KCNH4: variants seen among roughly 807,000 people sequenced by gnomAD.
KCNH4 encodes voltage-gated delayed rectifier potassium channel KCNH4.
KCNH4 carries 33 observed loss-of-function variants against 90.7 expected under a neutral mutation model. The ratio of observed to expected loss-of-function variants is 0.36; its 90% CI spans 0.28 to 0.49. The LOEUF (loss-of-function observed/expected upper bound fraction) is 0.49, where lower values mean the gene tolerates loss of function less well. KCNH4 is among the 20% of genes least tolerant of loss of function. The probability of loss-of-function intolerance (pLI) is 0.98; values close to 1 mark genes in which losing one functional copy is unlikely to be tolerated. For missense variants in KCNH4, 1,044 were observed against 1,387.1 expected (o/e 0.75, Z 3.93); for synonymous variants, 551 against 581.7 (o/e 0.95, Z 0.76).
In KCNH4 at chr17:42,163,941, G is replaced by A. The variant is rs111383799; in HGVS notation, c.2142C>T (p.Leu714=). Residue 714 remains leucine, a synonymous_variant, in exon 13 of 17, where the codon CTC becomes CTT. Coordinates refer to ENST00000264661, the MANE Select transcript of KCNH4 (RefSeq NM_012285.3). This position sits in a 1 kb window ranked among gnomAD's most constrained non-coding sequence, Gnocchi z 5.4. ...GCAGCGTCTTGTCTGAGGAGGAGCCGAGGCTTTCTGAGCGGGGCTGCGGGC... is the reference window on the plus strand; with the variant it reads ...GCAGCGTCTTGTCTGAGGAGGAGCCAAGGCTTTCTGAGCGGGGCTGCGGGC... ...PRLSQPRSES[L]GSSSDKTLPS... 1.6e-5 allele frequency: 25 copies of A among 1,541,614 alleles called. No individual in the cohort carries two copies. The highest frequency in any genetic ancestry group is 2.3e-4 in the Middle Eastern group (1 of 4,346).
chr17:42,178,568 A>G lies in KCNH4; in HGVS notation c.311-91T>C, dbSNP rs547279466. ...CCTCTCATCCTCCTAGACATAGTTA[A>G]GAGCTTGGCAAAGCAAGAACCAAAA... On this transcript the variant is annotated intron_variant, in intron 2 of 16. Transcript: ENST00000264661. 55 of 1,476,616 alleles carry G rather than the reference A, an allele frequency of 3.7e-5. No homozygotes were observed. The East Asian group carries it at 1.2e-3, about 31-fold the overall frequency. 91.5% of individuals were successfully genotyped at this position (1,476,616 alleles called of 1,614,324 possible).
intron 16 of KCNH4, among the ~76,000 whole-genome samples, chr17:42,158,305 T>C (rs1163497746): frequency 1.3e-4 from 19 of 145,920 alleles, no homozygotes; most frequent in East Asian, 4.1e-4. Flanking sequence ...CCGAGGCAGG[T>C]GGATCATGAG....
chr17:42,179,158 A>AAT, intron 1 of KCNH4, 132 bp from the exon 2 acceptor site: 1 of 638,548 alleles, frequency 1.6e-6, no homozygotes. Context: ...GTTGCTCCTG[A>AAT]CCCCACTTTG....
At chr17:42,178,063 AG>A in intron 4 of KCNH4, 36 bp downstream of exon 4, 3 of 1,597,412 alleles carry the variant, frequency 1.9e-6, no homozygotes, top group Non-Finnish European at 2.6e-6. Context: ...TCAAGGCTGG[AG>A]GACTTGGGAG....
At chr17:42,176,010 C>A (rs1398853540) in intron 5 of KCNH4, 44 bp downstream of exon 5, 1 of 1,555,114 alleles carries the variant, frequency 6.4e-7, no homozygotes, top group Non-Finnish European at 8.7e-7. Context: ...CCAAGTGGAT[C>A]CCCCCAGCCG....
rs373568858 is a variant in KCNH4, at chr17:42,169,514, G to A, written c.1553C>T (p.Thr518Ile). The change falls in exon 9 of 17, where the codon ACC (threonine) becomes ATC (isoleucine). Residue 518 changes from threonine (T) to isoleucine (I), a missense_variant. Physicochemically the swap from Thr to Ile is moderately conservative, Grantham distance 89. This residue lies in a region of KCNH4 where 318 missense variants were observed against 479.6 expected (regional missense o/e 0.66). Coordinates refer to ENST00000264661, the MANE Select transcript of KCNH4 (RefSeq NM_012285.3). ...GATGCCGCTGTTGACGGCCCACGTG[G>A]TCTGGAAGTATTCGAGCATGCGCTG... is the stretch of plus-strand genomic sequence containing the variant. Reference protein sequence around the residue: ...LKQRMLEYFQTTWAVNSGIDA... With the variant: ...LKQRMLEYFQITWAVNSGIDA... The A allele has an allele frequency of 1.2e-6, 2 of 1,613,210 alleles. No individual in the cohort carries two copies. Among genetic ancestry groups the A allele is most frequent in the African/African-American group, 1.3e-5 (1 of 74,950 alleles).
intron 6 of KCNH4, among the ~76,000 whole-genome samples, chr17:42,172,517 T>C (rs1418507087): frequency 3.4e-5 from 5 of 148,660 alleles, no homozygotes; most frequent in Non-Finnish European, 4.4e-5. Context: ...GTGCTAAGCA[T>C]TGGTAATCCT....
In KCNH4 at chr17:42,164,184, A is replaced by T; in HGVS notation, c.2086-16T>A. The stretch of plus-strand genomic sequence containing the variant: ...GGCTGAGGCCCTGTGGGGACATAGG[A>T]GAGTTCAAGCTGATTCCTGCCTTCC... On this transcript the variant is annotated splice_polypyrimidine_tract_variant and intron_variant, in intron 11 of 16. Coordinates refer to ENST00000264661, the MANE Select transcript of KCNH4 (RefSeq NM_012285.3). The T allele has an allele frequency of 6.5e-7, 1 of 1,543,024 alleles. No individual in the cohort carries two copies. The highest frequency in any genetic ancestry group is 8.8e-7 in the Non-Finnish European group (1 of 1,141,928).
chr17:42,160,413 ACCT>A lies in KCNH4; in HGVS notation c.2678_2680del (p.Glu893del). 1.9e-6 allele frequency: 3 copies of A among 1,602,948 alleles called. No individual in the cohort carries two copies. The highest frequency in any genetic ancestry group is 2.6e-6 in the Non-Finnish European group (3 of 1,172,744). Reference sequence around the variant, plus strand: ...CCGCAGCTCCCGGCTAAGCTGAGACACCTCCTGATTGAGACGAGAGATCTGTTG... The same window carrying A: ...CCGCAGCTCCCGGCTAAGCTGAGACACCTGATTGAGACGAGAGATCTGTTG... On this transcript the variant is annotated inframe_deletion, in exon 16 of 17. Coordinates refer to ENST00000264661, the MANE Select transcript of KCNH4 (RefSeq NM_012285.3).
chr17:42,178,422 C>T lies in KCNH4; in HGVS notation c.366G>A (p.Glu122=). ...DMMPIKNEMG[E]VVLFLFSFKD... ...TGAAGGAAAAGAGGAACAGCACGAC[C>T]TCCCCCATCTCATTCTTGATGGGCA... The change falls in exon 3 of 17, where the codon GAG becomes GAA. Residue 122 remains glutamate, a synonymous_variant. Coordinates refer to ENST00000264661, the MANE Select transcript of KCNH4 (RefSeq NM_012285.3). 1 of 1,614,202 alleles carries T rather than the reference C, an allele frequency of 6.2e-7. No homozygotes were observed. Among genetic ancestry groups the T allele is most frequent in the Admixed American group, 1.7e-5 (1 of 60,016 alleles).
rs1598270216 is a variant in KCNH4 at position 42,165,540 on chromosome 17, A to C, written c.1994T>G (p.Val665Gly). 1.9e-6 allele frequency: 3 copies of C among 1,614,112 alleles called. No individual in the cohort carries two copies. The highest frequency in any genetic ancestry group is 2.5e-6 in the Non-Finnish European group (3 of 1,180,008). ...CCCATACTCAGGATAGAGCCTCAGG[A>C]CCTCAGCCAGCCCTCGGCTGCTCAG... is the stretch of plus-strand genomic sequence containing the variant. The part of the protein sequence containing the change: ...QQLSSRGLAE[V>G]LRLYPEYGAA... The change falls in exon 11 of 17, where the codon GTC becomes GGC. Residue 665 changes from valine to glycine, a missense_variant. Around this residue, in one of 4 missense-constraint regions of KCNH4, gnomAD observed 441 missense variants for 512.3 expected, o/e 0.86. Transcript: ENST00000264661.
At chr17:42,161,951 TC>T (rs58726099) in intron 15 of KCNH4, among the ~76,000 whole-genome samples, 3,829 of 144,144 alleles carry the variant, frequency 0.027, 151 homozygotes, top group African/African-American at 0.081. Flanking sequence ...AATATCTCTC[TC>T]TTTTTTTTTT....
chr17:42,158,622 T>A (rs2079724455), intron 16 of KCNH4, among the ~76,000 whole-genome samples: 1 of 149,818 alleles, frequency 6.7e-6, no homozygotes, highest in African/African-American at 2.5e-5. Context: ...GATCAGGAGG[T>A]CAGGAGATTG....
rs998648099 is a variant in KCNH4, at chr17:42,164,030, G to A, written c.2125-72C>T. 1.5e-5 allele frequency: 22 copies of A among 1,500,438 alleles called. No individual in the cohort carries two copies. The Admixed American group carries it at 2.7e-4, about 18-fold the overall frequency. 92.9% of individuals were successfully genotyped at this position (1,500,438 alleles called of 1,614,324 possible). On this transcript the variant is annotated intron_variant, in intron 12 of 16. Transcript: ENST00000264661. ...ACCCCTTCATTAAGTAAGAGCCTTC[G>A]CCGGCGGATGCAGCTCCCCATCCAT...
chr17:42,161,218 G>A (rs565710319), intron 15 of KCNH4, among the ~76,000 whole-genome samples: 4 of 152,028 alleles, frequency 2.6e-5, no homozygotes, highest in African/African-American at 4.8e-5. Flanking sequence ...ATGAGCCACC[G>A]CGCCCGGCCT....
rs1224159661 is a variant in KCNH4 at position 42,181,065 on chromosome 17, C to T, written c.-120G>A. On this transcript the variant is annotated 5_prime_UTR_variant, in exon 1 of 17. Coordinates refer to ENST00000264661, the MANE Select transcript of KCNH4 (RefSeq NM_012285.3). ...TGCGCCCTCCTGCCTCCTCCCCTCCCTCTTACTGCCGCTGCCGCTGCCGCT... is the reference window on the plus strand; with the variant it reads ...TGCGCCCTCCTGCCTCCTCCCCTCCTTCTTACTGCCGCTGCCGCTGCCGCT... 6.1e-6 allele frequency: 5 copies of T among 823,672 alleles called. No individual in the cohort carries two copies. The highest frequency in any genetic ancestry group is 9.5e-6 in the Non-Finnish European group (5 of 528,820). 51.0% of individuals were successfully genotyped at this position (823,672 alleles called of 1,614,324 possible).
At chr17:42,162,384 C>T in intron 14 of KCNH4, 63 bp from the exon 15 acceptor site, 1 of 1,425,922 alleles carries the variant, frequency 7.0e-7, no homozygotes, top group Non-Finnish European at 9.8e-7. Context: ...ATAACTTGGG[C>T]TGGAATCCTC....
rs1204249143 is a variant in KCNH4, at chr17:42,165,542, C to T, written c.1992G>A (p.Glu664=). ...CATACTCAGGATAGAGCCTCAGGAC[C>T]TCAGCCAGCCCTCGGCTGCTCAGCT... ...LQQLSSRGLA[E]VLRLYPEYGA... The change falls in exon 11 of 17, where the codon GAG becomes GAA. Residue 664 remains glutamate (E), a synonymous_variant. Coordinates refer to ENST00000264661, the MANE Select transcript of KCNH4 (RefSeq NM_012285.3). 1.2e-6 allele frequency: 2 copies of T among 1,614,078 alleles called. No homozygotes were observed. Among genetic ancestry groups the T allele is most frequent in the Non-Finnish European group, 1.7e-6 (2 of 1,180,042 alleles).
intron 15 of KCNH4, among the ~76,000 whole-genome samples, 164 bp from the exon 16 acceptor site, chr17:42,160,599 C>A (rs889131217): frequency 3.9e-5 from 6 of 152,204 alleles, no homozygotes; most frequent in African/African-American, 7.2e-5. Flanking sequence ...ATGCCCCAGT[C>A]TCTTTCCAGA....
Sources: gnomAD v4.1 joint callset for allele counts (sites outside exome capture counted in the v4.1 genomes callset) on GRCh38, gnomAD v4.1.1 for gene constraint, gnomAD v4.1.1 regional missense constraint, Gnocchi (gnomAD v3.1) non-coding constraint, MANE v1.5 for transcripts, NCBI Gene and HGNC (gene_info 2026-07-23, HGNC 2026-07-21) for gene names.